Variants in DLG2 observed in about 807,000 individuals in gnomAD.
DLG2 encodes the protein discs large MAGUK scaffold protein 2.
A neutral mutation model predicts 132.5 loss-of-function variants in DLG2; 45 were observed. That is an observed-to-expected ratio of 0.34 (90% CI 0.27 to 0.44). DLG2 has a LOEUF of 0.44. Among genes scored for constraint, DLG2 ranks in the 20% least tolerant of loss-of-function variants. The probability of loss-of-function intolerance (pLI) is 1.00; values close to 1 mark genes in which losing one functional copy is unlikely to be tolerated. For synonymous variants in DLG2, 424 were observed against 419.6 expected (o/e 1.01, Z -0.13); for missense variants, 1,045 against 1,196.9 (o/e 0.87, Z 1.87).
At chr11:83,721,923 C>G (rs1274455033) in intron 18 of DLG2, among the ~76,000 whole-genome samples, 2 of 152,062 alleles carry the variant, frequency 1.3e-5, no homozygotes, top group Non-Finnish European at 2.9e-5. Context: ...ACACAAAGTG[C>G]AAAGGATAAA....
At chr11:85,229,186 G>GT (rs1445665350) in intron 4 of DLG2, among the ~76,000 whole-genome samples, 2 of 50,152 alleles carry the variant, frequency 4.0e-5, no homozygotes, top group Non-Finnish European at 1.4e-4. Flanking sequence ...CAACAACACA[G>GT]TATTTTTTTT....
intron 2 of DLG2, among the ~76,000 whole-genome samples, chr11:85,613,010 T>C (rs959003556): frequency 2.0e-5 from 3 of 152,174 alleles, no homozygotes; most frequent in Non-Finnish European, 4.4e-5. Context: ...GGTAGAGTGT[T>C]GTTTTTATAC....
chr11:85,144,865 TAC>T (rs2076739731), intron 5 of DLG2, among the ~76,000 whole-genome samples: 1 of 152,118 alleles, frequency 6.6e-6, no homozygotes, highest in Non-Finnish European at 1.5e-5. Flanking sequence ...ACACCACAAT[TAC>T]AGTGTTGCAG....
chr11:83,615,106 G>A (rs1472974746), intron 19 of DLG2, among the ~76,000 whole-genome samples: 1 of 152,092 alleles, frequency 6.6e-6, no homozygotes, highest in Non-Finnish European at 1.5e-5. Context: ...CATTTCTGAG[G>A]AATATTCATT....
At chr11:83,824,720 T>C (rs1432810201) in intron 17 of DLG2, among the ~76,000 whole-genome samples, 2 of 152,180 alleles carry the variant, frequency 1.3e-5, no homozygotes, top group Non-Finnish European at 2.9e-5. Flanking sequence ...ACATCCGCTA[T>C]TATACACAGT....
intron 3 of DLG2, among the ~76,000 whole-genome samples, chr11:85,463,946 C>A (rs907439913): frequency 2.1e-5 from 3 of 145,840 alleles, no homozygotes; most frequent in Non-Finnish European, 1.5e-5. Context: ...ATTTAATATA[C>A]TGTACTATTT....
At chr11:83,954,398 T>C (rs2086278521) in intron 14 of DLG2, among the ~76,000 whole-genome samples, 1 of 152,178 alleles carries the variant, frequency 6.6e-6, no homozygotes, top group South Asian at 2.1e-4. Flanking sequence ...TTATTTACAT[T>C]AATAAAGAGA....
chr11:84,481,208 T>G (rs1397535534), intron 7 of DLG2, among the ~76,000 whole-genome samples: 1 of 152,216 alleles, frequency 6.6e-6, no homozygotes, highest in Non-Finnish European at 1.5e-5. Context: ...TTACTATTCC[T>G]GTGGTTTCTA....
At chr11:85,375,639 G>A (rs1054754194) in intron 3 of DLG2, among the ~76,000 whole-genome samples, 7 of 152,166 alleles carry the variant, frequency 4.6e-5, no homozygotes, top group Non-Finnish European at 8.8e-5. Flanking sequence ...TCCTTTGTAA[G>A]TATACATACC....
At chr11:85,323,794 G>A (rs2081249886) in intron 3 of DLG2, among the ~76,000 whole-genome samples, 1 of 152,182 alleles carries the variant, frequency 6.6e-6, no homozygotes, top group Admixed American at 6.5e-5. Flanking sequence ...TTAACATAAT[G>A]TCCTCCAGTT....
At chr11:84,740,146 AT>A (rs2153821875) in intron 6 of DLG2, among the ~76,000 whole-genome samples, 2 of 152,044 alleles carry the variant, frequency 1.3e-5, no homozygotes, top group Admixed American at 6.6e-5. Context: ...AACAGTTAAC[AT>A]TTTACTGGAG....
chr11:85,401,824 C>T lies in DLG2; in HGVS notation c.41-116459G>A, dbSNP rs115611744. Among the ~76,000 whole-genome samples, 1,429 of 152,140 alleles carry T rather than the reference C, an allele frequency of 9.4e-3. 17 individuals carry two copies. Among genetic ancestry groups the T allele is most frequent in the African/African-American group, 0.031 (1,289 of 41,530 alleles). The stretch of plus-strand genomic sequence containing the variant: ...TTCAAGGAGAACTACAAACCCACTT[C>T]TCAATGAAATAAAAGAGGACACAAA... On this transcript the variant is annotated intron_variant, in intron 3 of 27. Transcript: ENST00000376104.
chr11:85,239,269 G>A (rs984693837), intron 4 of DLG2, among the ~76,000 whole-genome samples: 1 of 152,042 alleles, frequency 6.6e-6, no homozygotes, highest in African/African-American at 2.4e-5. Context: ...GTGCAGTTAT[G>A]TTTTAATGCT....
chr11:83,878,208 G>A (rs1442844260), intron 15 of DLG2, among the ~76,000 whole-genome samples: 4 of 152,168 alleles, frequency 2.6e-5, no homozygotes, highest in Non-Finnish European at 4.4e-5. Context: ...AGTCATGTGT[G>A]CTTTCAGAGC....
chr11:84,857,295 A>G (rs2082925953), intron 6 of DLG2, among the ~76,000 whole-genome samples: 1 of 152,032 alleles, frequency 6.6e-6, no homozygotes, highest in Non-Finnish European at 1.5e-5. Flanking sequence ...AAGAAACAAT[A>G]AAGGAGTTAA....
intron 6 of DLG2, among the ~76,000 whole-genome samples, chr11:84,883,990 C>T (rs77806650): frequency 2.2e-3 from 331 of 152,082 alleles, no homozygotes; most frequent in Non-Finnish European, 3.3e-3. Context: ...TATCCTGGTA[C>T]CTTTAAGTCC....
chr11:83,590,304 T>C (rs1453578935), intron 19 of DLG2, among the ~76,000 whole-genome samples: 1 of 152,172 alleles, frequency 6.6e-6, no homozygotes, highest in Non-Finnish European at 1.5e-5. Context: ...CAGACCACAC[T>C]GCAATCAAAC....
intron 8 of DLG2, among the ~76,000 whole-genome samples, chr11:84,186,574 G>A (rs931408573): frequency 6.6e-6 from 1 of 151,816 alleles, no homozygotes; most frequent in Non-Finnish European, 1.5e-5. Context: ...AGATCTTTCA[G>A]GCTGGGCAAA....
chr11:85,316,127 T>A (rs928082381), intron 3 of DLG2, among the ~76,000 whole-genome samples: 1 of 152,016 alleles, frequency 6.6e-6, no homozygotes, highest in Non-Finnish European at 1.5e-5. Flanking sequence ...AGAAGATTTT[T>A]TTTTTTAAAG....
Sources: gnomAD v4.1 joint callset for allele counts (sites outside exome capture counted in the v4.1 genomes callset) on GRCh38, gnomAD v4.1.1 for gene constraint, MANE v1.5 for transcripts, NCBI Gene and HGNC (gene_info 2026-07-23, HGNC 2026-07-21) for gene names.